TCF4: variants seen among roughly 807,000 people sequenced by gnomAD.
TCF4 encodes the protein transcription factor 4.
TCF4 carries 3 observed loss-of-function variants against 82.1 expected under a neutral mutation model. The ratio of observed to expected loss-of-function variants is 0.04; its 90% confidence interval spans 0.02 to 0.09. The LOEUF (loss-of-function observed/expected upper bound fraction) is 0.09, where lower values mean the gene tolerates loss of function less well. Ranked by LOEUF, TCF4 falls within the 10% of genes least tolerant of loss-of-function variation. TCF4 has a pLI of 1.00. For synonymous variants in TCF4, 276 were observed against 309.6 expected (o/e 0.89, Z 1.14); for missense variants, 518 against 852.7 (o/e 0.61, Z 4.89).
At chr18:55,433,257 G>A (rs546568353) in intron 5 of TCF4, among the ~76,000 whole-genome samples, 6 of 152,148 alleles carry the variant, frequency 3.9e-5, no homozygotes, top group Non-Finnish European at 5.9e-5. Context: ...TAACCTTTCT[G>A]TCCCTCCTAC....
intron 9 of TCF4, among the ~76,000 whole-genome samples, chr18:55,278,392 T>A (rs540419305): frequency 6.6e-6 from 1 of 152,274 alleles, no homozygotes; most frequent in Admixed American, 6.5e-5. Flanking sequence ...ATTCCACATC[T>A]AAATTCAGGG....
chr18:55,363,265 A>T (rs915692665), intron 6 of TCF4, among the ~76,000 whole-genome samples: 2 of 152,210 alleles, frequency 1.3e-5, no homozygotes, highest in African/African-American at 4.8e-5. Context: ...TCATTGAAAA[A>T]AAAATCAATG....
intron 6 of TCF4, among the ~76,000 whole-genome samples, chr18:55,357,554 T>C (rs1477298726): frequency 2.0e-5 from 3 of 152,230 alleles, no homozygotes; most frequent in Admixed American, 6.6e-5. Flanking sequence ...ACACTTTTGC[T>C]ATAAATATAA....
chr18:55,485,838 C>T (rs1427049935), intron 3 of TCF4, among the ~76,000 whole-genome samples: 3 of 152,170 alleles, frequency 2.0e-5, no homozygotes, highest in African/African-American at 7.2e-5. Flanking sequence ...GGTTAAGAAC[C>T]TCACTCTGGA....
chr18:55,491,455 C>T (rs1218242897), intron 3 of TCF4, among the ~76,000 whole-genome samples: 2 of 152,178 alleles, frequency 1.3e-5, no homozygotes, highest in Non-Finnish European at 2.9e-5. Context: ...CCTAACTATC[C>T]ATCTGCATAT....
chr18:55,353,925 T>G (rs927435382), intron 6 of TCF4, among the ~76,000 whole-genome samples: 2 of 152,196 alleles, frequency 1.3e-5, no homozygotes, highest in African/African-American at 2.4e-5. Context: ...ATCCTGGCCT[T>G]AAATAGGATT....
chr18:55,583,074 A>C (rs571506796), intron 3 of TCF4, among the ~76,000 whole-genome samples: 19 of 152,246 alleles, frequency 1.2e-4, no homozygotes, highest in African/African-American at 4.6e-4. Context: ...GAACACTCCA[A>C]TCTGTACCCT....
At chr18:55,329,310 T>C (rs1246281733) in intron 8 of TCF4, among the ~76,000 whole-genome samples, 2 of 152,040 alleles carry the variant, frequency 1.3e-5, no homozygotes, top group Non-Finnish European at 2.9e-5. Flanking sequence ...AAATAAGCAC[T>C]CTCTTCATTC....
At chr18:55,537,000 G>A (rs1260610234) in intron 3 of TCF4, among the ~76,000 whole-genome samples, 1 of 152,086 alleles carries the variant, frequency 6.6e-6, no homozygotes, top group African/African-American at 2.4e-5. Flanking sequence ...CGGGTGTGGT[G>A]GCGGGCGCCT....
intron 2 of TCF4, among the ~76,000 whole-genome samples, chr18:55,614,300 T>C (rs1006881495): frequency 6.6e-6 from 1 of 152,214 alleles, no homozygotes; most frequent in Admixed American, 6.5e-5. Flanking sequence ...GAATGAGTGC[T>C]ATATATGGTT....
At chr18:55,328,381 TAA>T (rs141600042) in intron 8 of TCF4, among the ~76,000 whole-genome samples, 7 of 145,348 alleles carry the variant, frequency 4.8e-5, no homozygotes, top group African/African-American at 1.0e-4. Context: ...GGAATGTTCT[TAA>T]AAAAAAAAAA....
At position 55,228,312 on chromosome 18, in the gene TCF4, C is replaced by G. The variant is rs796053412; in HGVS notation, c.1929G>C (p.Glu643Asp). 1.9e-6 allele frequency: 3 copies of G among 1,614,196 alleles called. No homozygotes were observed. The highest frequency in any genetic ancestry group is 2.5e-6 in the Non-Finnish European group (3 of 1,180,032). ...GAGGGGGAGGCTCTGAGGACACCTT[C>G]TCTTCCTCCCTTCTTTTCAGACACG... ...KAACLKRREE[E>D]KVSSEPPPLS... is the part of the protein sequence containing the mutation. Residue 643 changes from glutamate to aspartate, a missense_variant, in exon 19 of 20, where the codon GAG becomes GAC. Glu to Asp is a conservative substitution (Grantham distance 45, BLOSUM62 2). Coordinates refer to ENST00000354452, the MANE Select transcript of TCF4 (RefSeq NM_001083962.2).
At chr18:55,564,147 T>C (rs906434592) in intron 3 of TCF4, among the ~76,000 whole-genome samples, 1 of 152,186 alleles carries the variant, frequency 6.6e-6, no homozygotes, top group Non-Finnish European at 1.5e-5. Flanking sequence ...AGAAGATGTG[T>C]TCTACTGCAT....
chr18:55,334,553 T>C (rs2078250051), intron 8 of TCF4, among the ~76,000 whole-genome samples: 2 of 152,188 alleles, frequency 1.3e-5, no homozygotes, highest in South Asian at 4.1e-4. Flanking sequence ...ACCTCTTACC[T>C]ACTTAAAATT....
chr18:55,324,407 T>C (rs1156321638), intron 8 of TCF4, among the ~76,000 whole-genome samples: 1 of 152,236 alleles, frequency 6.6e-6, no homozygotes, highest in African/African-American at 2.4e-5. Flanking sequence ...TCTCAGCCTT[T>C]GAAGTTTTCT....
At chr18:55,456,461 T>C (rs1312693010) in intron 5 of TCF4, among the ~76,000 whole-genome samples, 1 of 152,212 alleles carries the variant, frequency 6.6e-6, no homozygotes, top group Non-Finnish European at 1.5e-5. Context: ...TAGCCAAATG[T>C]ACAAAAGTAT....
At chr18:55,531,986 G>T (rs1375005073) in intron 3 of TCF4, among the ~76,000 whole-genome samples, 1 of 152,138 alleles carries the variant, frequency 6.6e-6, no homozygotes, top group Non-Finnish European at 1.5e-5. Flanking sequence ...ACTTGCATAG[G>T]ATGCAAATGT....
intron 8 of TCF4, among the ~76,000 whole-genome samples, chr18:55,345,184 A>T (rs1369172991): frequency 6.6e-6 from 1 of 152,144 alleles, no homozygotes; most frequent in Non-Finnish European, 1.5e-5. Flanking sequence ...AAAAGCCTCC[A>T]ATCAAAACAA....
intron 8 of TCF4, among the ~76,000 whole-genome samples, chr18:55,315,373 G>A (rs1034411924): frequency 1.3e-5 from 2 of 152,156 alleles, no homozygotes; most frequent in Non-Finnish European, 2.9e-5. Flanking sequence ...AGAATAGGAA[G>A]AAAACTAGGT....
Sources: gnomAD v4.1 joint callset for allele counts (sites outside exome capture counted in the v4.1 genomes callset) on GRCh38, gnomAD v4.1.1 for gene constraint, MANE v1.5 for transcripts, NCBI Gene and HGNC (gene_info 2026-07-23, HGNC 2026-07-21) for gene names.